JAK1: variants seen among roughly 807,000 people sequenced by gnomAD.
JAK1 encodes the protein Janus kinase 1.
A neutral mutation model predicts 136.6 loss-of-function variants in JAK1; 16 were observed. The ratio of observed to expected loss-of-function variants is 0.12; its 90% CI spans 0.08 to 0.18. The LOEUF is 0.18. Among genes scored for constraint, JAK1 ranks in the 10% least tolerant of loss-of-function variants. The probability of loss-of-function intolerance (pLI) is 1.00; values close to 1 mark genes in which losing one functional copy is unlikely to be tolerated. For synonymous variants in JAK1, 492 were observed against 519.5 expected (o/e 0.95, Z 0.72); for missense variants, 859 against 1,450.1 (o/e 0.59, Z 6.62).
chr1:65,065,872 G>A (rs1040806179), intron 1 of JAK1, among the ~76,000 whole-genome samples: 2 of 151,630 alleles, frequency 1.3e-5, no homozygotes, highest in East Asian at 3.9e-4. Context: ...GCCAAAGGGG[G>A]TCACTTCTCT....
chr1:64,873,657 G>T, intron 4 of JAK1, 134 bp from the exon 5 acceptor site: 1 of 893,648 alleles, frequency 1.1e-6, no homozygotes, highest in Non-Finnish European at 1.8e-6. Flanking sequence ...CCTGCCCCTT[G>T]TAGCCCCTCA....
intron 2 of JAK1, among the ~76,000 whole-genome samples, chr1:65,029,718 A>T (rs1647006827): frequency 6.6e-6 from 1 of 152,210 alleles, no homozygotes; most frequent in African/African-American, 2.4e-5. Flanking sequence ...ACAGAAAACT[A>T]GATACCACAT....
intron 1 of JAK1, among the ~76,000 whole-genome samples, chr1:64,954,609 G>A (rs975280628): frequency 3.3e-5 from 5 of 152,140 alleles, no homozygotes; most frequent in African/African-American, 7.2e-5. Context: ...GTCACCACAG[G>A]TTGGGGAAAC....
intron 1 of JAK1, among the ~76,000 whole-genome samples, chr1:64,935,386 G>A (rs561331500): frequency 6.6e-5 from 10 of 152,238 alleles, no homozygotes; most frequent in East Asian, 1.9e-4. Context: ...TGCAACCTCC[G>A]CCTCCCGGGT....
At chr1:64,862,160 T>G (rs778775565) in intron 8 of JAK1, among the ~76,000 whole-genome samples, 1 of 152,180 alleles carries the variant, frequency 6.6e-6, no homozygotes, top group African/African-American at 2.4e-5. Context: ...ACTGGCAGCA[T>G]GGAGCAGTGG....
chr1:64,845,268 T>TAC, intron 15 of JAK1, among the ~76,000 whole-genome samples: 1 of 152,210 alleles, frequency 6.6e-6, no homozygotes, highest in South Asian at 2.1e-4. Context: ...TGCTGCAGTA[T>TAC]GCAAGTCGGC....
intron 1 of JAK1, among the ~76,000 whole-genome samples, chr1:64,905,772 T>C (rs550888989): frequency 6.6e-6 from 1 of 152,208 alleles, no homozygotes; most frequent in Non-Finnish European, 1.5e-5. Flanking sequence ...TAAGTTGTTT[T>C]TGATGTGTGT....
At chr1:65,034,149 G>C (rs1315213020) in intron 2 of JAK1, among the ~76,000 whole-genome samples, 2 of 152,220 alleles carry the variant, frequency 1.3e-5, no homozygotes, top group African/African-American at 4.8e-5. Context: ...AACGTGGGTA[G>C]AGACATAAAG....
chr1:64,909,952 T>G (rs1645254562), intron 1 of JAK1, among the ~76,000 whole-genome samples: 1 of 152,234 alleles, frequency 6.6e-6, no homozygotes. Context: ...TTGCTCTCTT[T>G]AGCCCTGTTC....
chr1:64,986,687 G>A (rs368853979), intron 2 of JAK1, among the ~76,000 whole-genome samples: 2 of 152,188 alleles, frequency 1.3e-5, no homozygotes, highest in African/African-American at 4.8e-5. Context: ...GAGCCCAGGT[G>A]TTATTCAAGA....
At chr1:65,026,954 A>G (rs1042103100) in intron 2 of JAK1, among the ~76,000 whole-genome samples, 2 of 152,110 alleles carry the variant, frequency 1.3e-5, no homozygotes, top group African/African-American at 4.8e-5. Flanking sequence ...AGTCTCAAAA[A>G]AATAAAAACC....
intron 1 of JAK1, among the ~76,000 whole-genome samples, chr1:64,894,133 T>G (rs1644978621): frequency 6.6e-6 from 1 of 152,192 alleles, no homozygotes; most frequent in East Asian, 1.9e-4. Flanking sequence ...AGGACACCAC[T>G]GCTCGCACAG....
At chr1:64,914,516 T>C (rs999283345) in intron 1 of JAK1, among the ~76,000 whole-genome samples, 1 of 152,154 alleles carries the variant, frequency 6.6e-6, no homozygotes, top group African/African-American at 2.4e-5. Flanking sequence ...CTGACCTCTT[T>C]TATTAAGTGG....
chr1:65,043,474 T>C (rs1010213204), intron 2 of JAK1, among the ~76,000 whole-genome samples: 1 of 152,150 alleles, frequency 6.6e-6, no homozygotes, highest in African/African-American at 2.4e-5. Context: ...TTATTCTACA[T>C]TGAAAAAAAG....
Position 65,016,637 on chromosome 1 carries a change from G to A in JAK1, c.-78+27843C>T, listed in dbSNP as rs1045841287. Among the ~76,000 whole-genome samples the A allele has an allele frequency of 5.3e-5, 8 of 152,106 alleles. No individual in the cohort carries two copies. The South Asian group carries it at 8.3e-4, about 16-fold the overall frequency. ...AAATAGGCTGGGTGCAGTGGCTCAC[G>A]CCTGTAATCCCAACACTTTGGGAGG... On this transcript the variant is annotated intron_variant, in intron 2 of 25. Coordinates refer to the JAK1 transcript ENST00000671954.
intron 2 of JAK1, among the ~76,000 whole-genome samples, chr1:65,000,229 C>T (rs1250049405): frequency 4.6e-5 from 7 of 152,018 alleles, no homozygotes; most frequent in Admixed American, 1.3e-4. Flanking sequence ...CCTCATGATC[C>T]GCCCGCCTTG....
chr1:64,869,728 C>T (rs1237027026), intron 5 of JAK1, among the ~76,000 whole-genome samples: 1 of 152,210 alleles, frequency 6.6e-6, no homozygotes, highest in Non-Finnish European at 1.5e-5. Context: ...TACAGACATA[C>T]GAAGTCCCTT....
intron 2 of JAK1, among the ~76,000 whole-genome samples, chr1:65,025,619 A>G (rs913460084): frequency 6.6e-6 from 1 of 152,182 alleles, no homozygotes; most frequent in Non-Finnish European, 1.5e-5. Flanking sequence ...GCTACTTGCT[A>G]GCACTATGAC....
chr1:64,894,978 G>A (rs1400400157), intron 1 of JAK1, among the ~76,000 whole-genome samples: 1 of 152,100 alleles, frequency 6.6e-6, no homozygotes, highest in East Asian at 1.9e-4. Context: ...AATGCACTTA[G>A]TCTTCACCAA....
Sources: allele counts gnomAD v4.1 joint callset (sites outside exome capture counted in the v4.1 genomes callset), GRCh38; gene constraint gnomAD v4.1.1; transcripts MANE v1.5; gene names NCBI Gene and HGNC (gene_info 2026-07-23, HGNC 2026-07-21).